The following UPP1 variants were observed in gnomAD, a reference collection of about 807,000 sequenced individuals.
UPP1 encodes the protein UPase 1.
Under a neutral mutation model 29.6 loss-of-function variants are expected in UPP1, and 25 were observed. That is an observed-to-expected ratio of 0.85 (90% CI 0.62 to 1.18). The LOEUF (loss-of-function observed/expected upper bound fraction) is 1.18. UPP1 is among the 50% of genes most tolerant of loss of function. The pLI is 0.00. For synonymous variants in UPP1, 165 were observed against 159.8 expected, an observed-to-expected ratio of 1.03 and a Z score of -0.25; for missense variants, 368 against 410.4, an observed-to-expected ratio of 0.90 and a Z score of 0.89.
In UPP1 at chr7:48,107,498, G is replaced by T; in HGVS notation, c.784G>T (p.Gly262Cys). ...SVFAAMCSACGLQAAVVCVTL... is the reference protein window; with the variant it reads ...SVFAAMCSACCLQAAVVCVTL... ...GTTTGCCGCCATGTGCAGCGCCTGC[G>T]GCCTCCAAGGTAAGCGGCACTTGAT... Residue 262 changes from glycine (G) to cysteine (C), a missense_variant, in exon 8 of 9, where the codon GGC (glycine) becomes TGC (cysteine). Coordinates refer to ENST00000395564, the MANE Select transcript of UPP1 (RefSeq NM_003364.4). 5.6e-6 allele frequency: 9 copies of T among 1,608,294 alleles called. No individual in the cohort carries two copies. The highest frequency in any genetic ancestry group is 6.8e-6 in the Non-Finnish European group (8 of 1,175,696).
chr7:48,089,177 G>C (rs1791669892), upstream of UPP1: 1 of 152,434 alleles, frequency 6.6e-6, no homozygotes, highest in Non-Finnish European at 1.5e-5. Flanking sequence ...GCCCAGGGCA[G>C]GCGGGGCCCG....
chr7:48,103,377 C>T lies in UPP1; in HGVS notation c.402C>T (p.Val134=). Residue 134 remains valine, a synonymous_variant, in exon 6 of 9, where the codon GTC becomes GTT. Transcript: ENST00000395564. The part of the protein sequence containing the change: ...KLLYYARCSN[V]TIIRIGTSGG... ...TGTACTATGCCCGGTGCTCCAACGTCACTATCATCCGCATTGGCACTTCTG... is the reference window on the plus strand; with the variant it reads ...TGTACTATGCCCGGTGCTCCAACGTTACTATCATCCGCATTGGCACTTCTG... The T allele has an allele frequency of 1.2e-6, 2 of 1,614,004 alleles. No individual in the cohort carries two copies. Among genetic ancestry groups the T allele is most frequent in the Admixed American group, 1.7e-5 (1 of 60,030 alleles).
intron 6 of UPP1, chr7:48,104,587 C>T (rs1054070097): frequency 1.3e-5 from 2 of 152,192 alleles, no homozygotes; most frequent in Admixed American, 1.3e-4. Context: ...GTGTCCTGAC[C>T]TTGAAAGGGG....
At chr7:48,101,032 G>C (rs1756335789) in intron 4 of UPP1, among the ~76,000 whole-genome samples, 1 of 151,906 alleles carries the variant, frequency 6.6e-6, no homozygotes, top group Admixed American at 6.6e-5. Context: ...TCAGCCTCCT[G>C]AGTAGCTGGG....
Position 48,107,298 on chromosome 7 carries a change from C to T in UPP1, c.647-63C>T, listed in dbSNP as rs978131641. ...CCTGTGTCCTTCTGGGCATCAGTGG[C>T]GCTGATGTGTTGTAGGAGCTTCTCA... On this transcript the variant is annotated intron_variant, in intron 7 of 8. Coordinates refer to ENST00000395564, the MANE Select transcript of UPP1 (RefSeq NM_003364.4). 2.4e-5 allele frequency: 38 copies of T among 1,556,280 alleles called. No individual in the cohort carries two copies. In the Middle Eastern group the frequency reaches 6.9e-4, roughly 28 times the overall value.
chr7:48,101,552 A>C (rs1041041510), intron 4 of UPP1, among the ~76,000 whole-genome samples: 2 of 152,032 alleles, frequency 1.3e-5, no homozygotes, highest in Non-Finnish European at 2.9e-5. Flanking sequence ...AGGACCTGGA[A>C]TTACCTCCTC....
chr7:48,094,304 C>T (rs1275684840), intron 2 of UPP1, among the ~76,000 whole-genome samples: 2 of 152,136 alleles, frequency 1.3e-5, no homozygotes, highest in Non-Finnish European at 2.9e-5. Context: ...ACCTCTGCCT[C>T]CCAGGTTCAA....
At chr7:48,101,792 C>T in intron 4 of UPP1, 32 bp from the exon 5 acceptor site, 1 of 1,607,772 alleles carries the variant, frequency 6.2e-7, no homozygotes. Context: ...ATAGACAGTG[C>T]ACTAATGGGG....
At chr7:48,095,964 A>G (rs1006100969) in intron 3 of UPP1, among the ~76,000 whole-genome samples, 4 of 152,092 alleles carry the variant, frequency 2.6e-5, no homozygotes, top group Admixed American at 6.5e-5. Context: ...TTATTTTTTA[A>G]TTGAACTAAT....
intron 8 of UPP1, 79 bp downstream of exon 8, chr7:48,107,586 C>G: frequency 1.4e-6 from 2 of 1,477,980 alleles, no homozygotes; most frequent in Non-Finnish European, 1.8e-6. Flanking sequence ...TGGGGCCCCT[C>G]CTCCTGGGGC....
In UPP1 at chr7:48,108,032, C is replaced by G. The variant is rs142006023; in HGVS notation, c.794-186C>G. Among the ~76,000 whole-genome samples the G allele has an allele frequency of 4.6e-5, 7 of 152,262 alleles. No individual in the cohort carries two copies. The East Asian group carries it at 1.4e-3, about 29-fold the overall frequency. ...TGGTGTCAGAGAGGGAGGAGTCTTC[C>G]GAGCCCCTGGACCAGCGCCTTTCCC... is the stretch of plus-strand genomic sequence containing the variant. On this transcript the variant is annotated intron_variant, in intron 8 of 8. Transcript: ENST00000395564.
chr7:48,101,884 G>T lies in UPP1; in HGVS notation c.223G>T (p.Glu75Ter). Residue 75 changes from glutamate (E) to a stop codon, truncating the protein, a stop_gained, in exon 5 of 9, where the codon GAG becomes TAG. Transcript: ENST00000395564. LOFTEE classifies it high-confidence loss of function. ...MKAFIRCVGA[E>*]LGLDCPGRDY... ...AGCCTTCATCAGGTGCGTTGGTGCAGAGCTGGGCCTTGACTGCCCAGGTAG... is the reference window on the plus strand; with the variant it reads ...AGCCTTCATCAGGTGCGTTGGTGCATAGCTGGGCCTTGACTGCCCAGGTAG... 1 of 1,614,114 alleles carries T rather than the reference G, an allele frequency of 6.2e-7. No individual in the cohort carries two copies. The highest frequency in any genetic ancestry group is 8.5e-7 in the Non-Finnish European group (1 of 1,180,014).
chr7:48,106,669 A>G, intron 6 of UPP1: 1 of 567,626 alleles, frequency 1.8e-6, no homozygotes, highest in Admixed American at 3.0e-5. Context: ...TCATGCATTA[A>G]TTACTTTCAT....
At chr7:48,098,699 GT>G (rs1322329040) in intron 3 of UPP1, among the ~76,000 whole-genome samples, 2 of 152,142 alleles carry the variant, frequency 1.3e-5, no homozygotes, top group African/African-American at 4.8e-5. Context: ...TGACCACGGG[GT>G]TCAGGGCAGA....
rs369501301 is a variant in UPP1, at chr7:48,099,834, C to T, written c.162+47C>T. The T allele has an allele frequency of 2.4e-6, 3 of 1,275,914 alleles. No homozygotes were observed. In the African/African-American group the frequency reaches 4.4e-5, roughly 19 times the overall value. 79.0% of individuals were successfully genotyped at this position (1,275,914 alleles called of 1,614,324 possible). On this transcript the variant is annotated intron_variant, in intron 4 of 8. Transcript: ENST00000395564. ...CCTTGGAATTTGCCTTAAGATCAAC[C>T]TCCCCCTATATTATACAGGTAGACC...
chr7:48,097,237 A>G (rs746966244), intron 3 of UPP1, among the ~76,000 whole-genome samples: 1 of 151,956 alleles, frequency 6.6e-6, no homozygotes, highest in Non-Finnish European at 1.5e-5. Flanking sequence ...TTTAAATTTT[A>G]CTTTATTTTT....
chr7:48,089,200 A>C (rs1177804504), upstream of UPP1: 1 of 151,662 alleles, frequency 6.6e-6, no homozygotes, highest in Admixed American at 6.6e-5. Flanking sequence ...CCTAGCGGTA[A>C]CCCCCGGGCA....
chr7:48,107,094 G>A lies in UPP1; in HGVS notation c.646+12G>A. On this transcript the variant is annotated intron_variant, in intron 7 of 8. Transcript: ENST00000395564. ...GGACTTCTATGAAGGTGAGGCAGCG[G>A]ATACGAGGAGGCATCTTTCAGCCAG... The A allele has an allele frequency of 6.2e-7, 1 of 1,609,810 alleles. No homozygotes were observed. Among genetic ancestry groups the A allele is most frequent in the Non-Finnish European group, 8.5e-7 (1 of 1,178,346 alleles).
chr7:48,108,076 G>A (rs1583887139), intron 8 of UPP1, 142 bp from the exon 9 acceptor site: 10 of 1,258,610 alleles, frequency 7.9e-6, no homozygotes, highest in East Asian at 2.4e-5. Flanking sequence ...TCCATCCTCC[G>A]GCCCCGCCTG....
Sources: gnomAD v4.1 joint callset for allele counts (sites outside exome capture counted in the v4.1 genomes callset) on GRCh38, gnomAD v4.1.1 for gene constraint, MANE v1.5 for transcripts, NCBI Gene and HGNC (gene_info 2026-07-23, HGNC 2026-07-21) for gene names.